The following ACBD3 variants were observed in gnomAD, a reference collection of about 807,000 sequenced individuals.
ACBD3 encodes Golgi resident protein GCP60.
ACBD3 carries 30 observed loss-of-function variants against 66.9 expected under a neutral mutation model. The observed-to-expected ratio is 0.45, with a 90% CI of 0.34 to 0.61. The LOEUF (loss-of-function observed/expected upper bound fraction) is 0.61, where lower values mean the gene tolerates loss of function less well. Among genes scored for constraint, ACBD3 ranks in the 20% least tolerant of loss-of-function variants. ACBD3 has a pLI of 0.02. For missense variants in ACBD3, 544 were observed against 664.5 expected, an observed-to-expected ratio of 0.82 and a Z score of 1.99; for synonymous variants, 278 against 259.8, an observed-to-expected ratio of 1.07 and a Z score of -0.68.
At chr1:226,181,012 A>AAAACAAT (rs1220786696) in intron 1 of ACBD3, among the ~76,000 whole-genome samples, 5 of 151,964 alleles carry the variant, frequency 3.3e-5, no homozygotes, top group Non-Finnish European at 5.9e-5. Flanking sequence ...AAAAAAAAAA[A>AAAACAAT]AAACAATGAC....
chr1:226,159,652 T>G (rs1659734782), intron 4 of ACBD3, among the ~76,000 whole-genome samples: 1 of 152,218 alleles, frequency 6.6e-6, no homozygotes, highest in Admixed American at 6.5e-5. Flanking sequence ...CCTTACTATG[T>G]GCCATGCAGT....
intron 1 of ACBD3, among the ~76,000 whole-genome samples, chr1:226,168,565 G>A (rs911680182): frequency 1.3e-5 from 2 of 152,194 alleles, no homozygotes; most frequent in African/African-American, 4.8e-5. Flanking sequence ...AGGACAGATT[G>A]TTTATATGAG....
chr1:226,164,840 G>A lies in ACBD3; in HGVS notation c.518C>T (p.Ser173Leu). 1.2e-6 allele frequency: 2 copies of A among 1,611,060 alleles called. No homozygotes were observed. Among genetic ancestry groups the A allele is most frequent in the Middle Eastern group, 1.7e-4 (1 of 6,054 alleles). Reference sequence around the variant, plus strand: ...TATTTTGTGGGACGCAACATATGTTGAAAAGAGATGGCAACACCTATTTAA... The same window carrying A: ...TATTTTGTGGGACGCAACATATGTTAAAAAGAGATGGCAACACCTATTTAA... ...KLLNRCCHLFSTYVASHKIEK... is the reference protein window; with the variant it reads ...KLLNRCCHLFLTYVASHKIEK... The change falls in exon 3 of 8, where the codon TCA becomes TTA. Residue 173 changes from serine to leucine, a missense_variant. Physicochemically the swap from Ser to Leu is moderately radical, Grantham distance 145 (BLOSUM62 -2). Transcript: ENST00000366812.
chr1:226,180,381 C>A (rs1404657265), intron 1 of ACBD3, among the ~76,000 whole-genome samples: 1 of 152,128 alleles, frequency 6.6e-6, no homozygotes, highest in African/African-American at 2.4e-5. Flanking sequence ...GCCAGGCATT[C>A]TGCTAAGAGT....
intron 7 of ACBD3, among the ~76,000 whole-genome samples, chr1:226,151,439 C>G (rs1049241353): frequency 1.3e-5 from 2 of 152,196 alleles, no homozygotes; most frequent in South Asian, 4.1e-4. Flanking sequence ...AAAAGCAATA[C>G]ATTTATAACC....
rs149288207 is a variant in ACBD3, at chr1:226,163,938, T to C, written c.569+851A>G. ...GAGTTTGAGACCAGCCTGGCCAACA[T>C]AGTAAAACCTCATCTCTACTAAAAA... On this transcript the variant is annotated intron_variant, in intron 3 of 7. Coordinates refer to ENST00000366812, the MANE Select transcript of ACBD3 (RefSeq NM_022735.4). 0.014 allele frequency among the ~76,000 whole-genome samples: 2,143 copies of C among 151,906 alleles called. 117 individuals carry two copies. The East Asian group carries it at 0.19, about 13-fold the overall frequency.
intron 7 of ACBD3, 103 bp downstream of exon 7, chr1:226,152,232 G>C (rs1421127648): frequency 1.3e-5 from 18 of 1,417,400 alleles, no homozygotes; most frequent in Non-Finnish European, 1.7e-5. Context: ...CCCTAACCAT[G>C]AAGTGTTAGT....
intron 1 of ACBD3, among the ~76,000 whole-genome samples, chr1:226,177,843 T>C (rs1025284617): frequency 4.0e-5 from 6 of 151,698 alleles, no homozygotes; most frequent in Admixed American, 2.6e-4. Flanking sequence ...CCCAGGTTCA[T>C]GTGATTCTCC....
In ACBD3 at chr1:226,149,137, A is replaced by G. The variant is rs1331213628; in HGVS notation, c.1376-2316T>C. Among the ~76,000 whole-genome samples, 6 of 152,228 alleles carry G rather than the reference A, an allele frequency of 3.9e-5. No homozygotes were observed. In the East Asian group the frequency reaches 1.2e-3, roughly 29 times the overall value. On this transcript the variant is annotated intron_variant, in intron 7 of 7. Coordinates refer to ENST00000366812, the MANE Select transcript of ACBD3 (RefSeq NM_022735.4). ...TGAGGGTTCAGACTAGGCAGTAACC[A>G]CCTTTTAGAAGCTCTCTAATAGGCA...
rs747869899 is a variant in ACBD3 at position 226,161,542 on chromosome 1, C to T, written c.717G>A (p.Leu239=). Reference sequence around the variant, plus strand: ...CATAATAAACTTACTTTTGCTGCTCCAACCGAAGCCTTTCTTCTTCTATCC... The same window carrying T: ...CATAATAAACTTACTTTTGCTGCTCTAACCGAAGCCTTTCTTCTTCTATCC... ...RRRIEEERLR[L]EQQKQQIMAA... The change falls in exon 4 of 8, where the codon TTG becomes TTA. Residue 239 remains leucine, a synonymous_variant. Transcript: ENST00000366812. The T allele has an allele frequency of 6.2e-7, 1 of 1,612,916 alleles. No homozygotes were observed. The highest frequency in any genetic ancestry group is 8.5e-7 in the Non-Finnish European group (1 of 1,179,818).
intron 5 of ACBD3, among the ~76,000 whole-genome samples, chr1:226,155,941 A>G (rs1370304325): frequency 6.6e-6 from 1 of 152,206 alleles, no homozygotes; most frequent in Non-Finnish European, 1.5e-5. Flanking sequence ...AATCCAAAGG[A>G]CTATTTTGGG....
At chr1:226,151,969 T>TGCA (rs1659580999) in intron 7 of ACBD3, among the ~76,000 whole-genome samples, 1 of 151,922 alleles carries the variant, frequency 6.6e-6, no homozygotes, top group South Asian at 2.1e-4. Context: ...ATCATGCCAC[T>TGCA]GCACTCCAGC....
Position 226,186,706 on chromosome 1 carries a change from A to C in ACBD3, c.-31T>G. 6.9e-7 allele frequency: 1 copy of C among 1,452,864 alleles called. No homozygotes were observed. Among genetic ancestry groups the C allele is most frequent in the Non-Finnish European group, 9.0e-7 (1 of 1,107,370 alleles). 90.0% of individuals were successfully genotyped at this position (1,452,864 alleles called of 1,614,324 possible). ...GCTGCTGCACCTCCTCAGCGGGGACAGACGGCAGCCACGTATCGACTTCCT... is the reference window on the plus strand; with the variant it reads ...GCTGCTGCACCTCCTCAGCGGGGACCGACGGCAGCCACGTATCGACTTCCT... On this transcript the variant is annotated 5_prime_UTR_variant, in exon 1 of 8. Coordinates refer to ENST00000366812, the MANE Select transcript of ACBD3 (RefSeq NM_022735.4).
chr1:226,151,984 G>A (rs183238948), intron 7 of ACBD3, among the ~76,000 whole-genome samples: 2 of 151,892 alleles, frequency 1.3e-5, no homozygotes, highest in African/African-American at 4.8e-5. Context: ...TCCAGCCTGG[G>A]TGACAGAGTG....
chr1:226,175,488 A>G (rs1020209059), intron 1 of ACBD3, among the ~76,000 whole-genome samples: 17 of 152,242 alleles, frequency 1.1e-4, no homozygotes, highest in Non-Finnish European at 2.4e-4. Flanking sequence ...TGTCTTTATA[A>G]AAAGGTTTGC....
chr1:226,148,828 A>T (rs1457820283), intron 7 of ACBD3, among the ~76,000 whole-genome samples: 4 of 152,236 alleles, frequency 2.6e-5, no homozygotes, highest in Non-Finnish European at 4.4e-5. Flanking sequence ...GCATATGGAC[A>T]AATACAATTT....
rs1659436220 is a variant in ACBD3 at position 226,145,822 on chromosome 1, T to TA, written c.*787dup. On this transcript the variant is annotated 3_prime_UTR_variant, in exon 8 of 8. Transcript: ENST00000366812. The stretch of plus-strand genomic sequence containing the variant: ...TGTGCAGAAAAGTTTCAATTTGAGA[T>TA]ACTCTATGAAGCCAAAACAAAACAA... 1.4e-5 allele frequency: 2 copies of TA among 146,476 alleles called. No individual in the cohort carries two copies. The highest frequency in any genetic ancestry group is 1.4e-4 in the Admixed American group (2 of 14,150). The allele number at this position is 146,476 out of a possible 1,614,324, so 9.1% of individuals were successfully genotyped here. A position where few individuals can be genotyped will look rare whatever the true frequency, so the allele number is the denominator to read the frequency against.
intron 1 of ACBD3, among the ~76,000 whole-genome samples, chr1:226,176,571 G>T (rs182971896): frequency 9.2e-5 from 14 of 151,930 alleles, no homozygotes; most frequent in African/African-American, 2.4e-4. Flanking sequence ...TGCTTTGCTT[G>T]TGGTCATATT....
At chr1:226,147,937 T>C (rs941701130) in intron 7 of ACBD3, 7 of 152,156 alleles carry the variant, frequency 4.6e-5, no homozygotes, top group African/African-American at 1.7e-4. Flanking sequence ...TGGTTGTTGT[T>C]TTTGTTTGTT....
Sources: allele counts gnomAD v4.1 joint callset (sites outside exome capture counted in the v4.1 genomes callset), GRCh38; gene constraint gnomAD v4.1.1; transcripts MANE v1.5; gene names NCBI Gene and HGNC (gene_info 2026-07-23, HGNC 2026-07-21).